Variants in SEPTIN6 observed in about 807,000 individuals in gnomAD.
SEPTIN6 encodes septin 6, also known as septin-6.
In SEPTIN6, 8 loss-of-function variants were observed where a neutral mutation model predicts 33.6. That is an observed-to-expected ratio of 0.24 (90% CI 0.14 to 0.43). The LOEUF (loss-of-function observed/expected upper bound fraction) is 0.43. SEPTIN6 is among the 20% of genes least tolerant of loss of function. SEPTIN6 has a pLI of 1.00. For synonymous variants in SEPTIN6, 131 were observed against 140.0 expected (o/e 0.94, Z 0.45); for missense variants, 250 against 340.8 (o/e 0.73, Z 2.10).
In SEPTIN6 at chrX:119,647,483, C is replaced by CTTTTTTTTTTTT. The variant is rs61037430; in HGVS notation, c.690+2442_690+2453dup. Among the ~76,000 whole-genome samples the CTTTTTTTTTTTT allele has an allele frequency of 3.8e-3, 283 of 74,351 alleles. 6 individuals are homozygous for CTTTTTTTTTTTT. Among genetic ancestry groups the CTTTTTTTTTTTT allele is most frequent in the African/African-American group, 7.7e-3 (125 of 16,301 alleles). 64.6% of individuals were successfully genotyped at this position (74,351 alleles called of 115,157 possible). ...TTTCTTTCCTTTCCTTTCTCTCTCTCTTTTTTTTTTTTTGTGAGACAGGGT... is the reference window on the plus strand; with the variant it reads ...TTTCTTTCCTTTCCTTTCTCTCTCTCTTTTTTTTTTTTTTTTTTTTTTTTTGTGAGACAGGGT... On this transcript the variant is annotated intron_variant, in intron 5 of 10. Coordinates refer to ENST00000394610, the MANE Select transcript of SEPTIN6 (RefSeq NM_145799.4).
chrX:119,636,457 T>G (rs1401787267), intron 7 of SEPTIN6, among the ~76,000 whole-genome samples: 2 of 112,140 alleles, frequency 1.8e-5, no homozygotes, highest in African/African-American at 6.5e-5. Context: ...ATCAACATCC[T>G]GCGGTCAAAA....
chrX:119,639,806 GTTTC>G (rs1185005026), intron 6 of SEPTIN6, among the ~76,000 whole-genome samples: 2 of 110,870 alleles, frequency 1.8e-5, no homozygotes, highest in Admixed American at 9.6e-5. Context: ...CCAATGGTAT[GTTTC>G]TTTCTTTCTT....
intron 2 of SEPTIN6, among the ~76,000 whole-genome samples, chrX:119,670,560 CAAAAAAAAAA>C (rs764828469): frequency 2.5e-5 from 1 of 39,582 alleles, no homozygotes; most frequent in Non-Finnish European, 5.1e-5. Flanking sequence ...GACTCTGTCT[CAAAAAAAAAA>C]AAAAAAAAAG....
intron 2 of SEPTIN6, among the ~76,000 whole-genome samples, chrX:119,673,139 G>A (rs1276020768): frequency 8.9e-6 from 1 of 111,776 alleles, no homozygotes; most frequent in Non-Finnish European, 1.9e-5. Flanking sequence ...GGTAGGCTGA[G>A]GCAAGTGGAT....
downstream of SEPTIN6, chrX:119,616,631 A>C: frequency 1.0e-6 from 1 of 994,262 alleles, no homozygotes; most frequent in South Asian, 2.0e-5. Context: ...GTTTGAGGGG[A>C]GAGGAAATTG....
At chrX:119,620,541 G>C (rs745334711) in intron 10 of SEPTIN6, among the ~76,000 whole-genome samples, 101 of 109,873 alleles carry the variant, frequency 9.2e-4, no homozygotes, top group South Asian at 7.4e-3. Flanking sequence ...GGATGGTCTC[G>C]ATCTCCTGAC....
At chrX:119,677,590 C>T (rs145797111) in intron 1 of SEPTIN6, among the ~76,000 whole-genome samples, 2,845 of 112,749 alleles carry the variant, frequency 0.025, 49 homozygotes, top group South Asian at 0.16. Flanking sequence ...CTGCACTAAG[C>T]AGGCAGCTCT....
At position 119,652,838 on chromosome X, in the gene SEPTIN6, C is replaced by T; in HGVS notation, c.528+16G>A. The T allele has an allele frequency of 2.5e-6, 3 of 1,201,367 alleles. No homozygotes were observed. The highest frequency in any genetic ancestry group is 2.3e-6 in the Non-Finnish European group (2 of 887,911). On this transcript the variant is annotated intron_variant, in intron 4 of 10. Transcript: ENST00000394610. Reference sequence around the variant, plus strand: ...TAAGAGTGAGCCCCCAGCGCCCCCGCCCCTGCCTCCTATACCTTACTGTCC... The same window carrying T: ...TAAGAGTGAGCCCCCAGCGCCCCCGTCCCTGCCTCCTATACCTTACTGTCC...
At chrX:119,639,387 A>C (rs1569424985) in intron 6 of SEPTIN6, among the ~76,000 whole-genome samples, 1 of 112,244 alleles carries the variant, frequency 8.9e-6, no homozygotes, top group Non-Finnish European at 1.9e-5. Flanking sequence ...TGTCTTGTGC[A>C]CTGAACTGAC....
In SEPTIN6 at chrX:119,652,888, A is replaced by G. The variant is rs1261883616; in HGVS notation, c.494T>C (p.Leu165Pro). 5.0e-6 allele frequency: 6 copies of G among 1,208,394 alleles called. No individual in the cohort carries two copies. Among genetic ancestry groups the G allele is most frequent in the Admixed American group, 4.4e-5 (2 of 45,408 alleles). The part of the protein sequence containing the change: ...IAPTGHSLKS[L>P]DLVTMKKLDS... ...CAGCTTCTTCATAGTCACTAGGTCC[A>G]GAGACTTCAGGGAATGACCCGTGGG... The change falls in exon 4 of 11, where the codon CTG becomes CCG. Residue 165 changes from leucine to proline, a missense_variant. Physicochemically the swap from Leu to Pro is moderately conservative, Grantham distance 98. This residue lies in a region of SEPTIN6 where 139 missense variants were observed against 227.0 expected (regional missense o/e 0.61). Transcript: ENST00000394610.
At chrX:119,675,093 T>G (rs1603349656) in intron 2 of SEPTIN6, among the ~76,000 whole-genome samples, 2 of 110,522 alleles carry the variant, frequency 1.8e-5, no homozygotes, top group Non-Finnish European at 3.8e-5. Flanking sequence ...AAAAGAATGT[T>G]GCATACAGCT....
chrX:119,620,106 A>G (rs1366188363), intron 10 of SEPTIN6, 55 bp from the exon 11 acceptor site: 9 of 998,671 alleles, frequency 9.0e-6, no homozygotes, highest in Non-Finnish European at 1.2e-5. Flanking sequence ...TGTACCAAAA[A>G]AAAAAAAAAG....
chrX:119,646,543 G>T (rs958472679), intron 5 of SEPTIN6, among the ~76,000 whole-genome samples: 3 of 111,671 alleles, frequency 2.7e-5, no homozygotes, highest in African/African-American at 9.8e-5. Flanking sequence ...AAAATAGCAT[G>T]CAACAAGACC....
intron 1 of SEPTIN6, among the ~76,000 whole-genome samples, chrX:119,685,488 G>A (rs190301868): frequency 9.0e-6 from 1 of 111,515 alleles, no homozygotes; most frequent in African/African-American, 3.3e-5. Flanking sequence ...ACCATACAAT[G>A]TTAGAGCTGG....
At position 119,617,473 on chromosome X, in the gene SEPTIN6, A is replaced by G. The variant is rs1413791493; in HGVS notation, c.*2620T>C. The G allele has an allele frequency of 2.5e-6, 2 of 802,695 alleles. No individual in the cohort carries two copies. The highest frequency in any genetic ancestry group is 1.5e-6 in the Non-Finnish European group (1 of 669,942). 66.2% of individuals were successfully genotyped at this position (802,695 alleles called of 1,213,427 possible). A position where few individuals can be genotyped will look rare whatever the true frequency, so the allele number is the denominator to read the frequency against. ...CACACAGTCTCCTGGACCCCGTTCC[A>G]GCCTTGCAGCATCACTGGGTCATTG... On this transcript the variant is annotated 3_prime_UTR_variant, in exon 11 of 11. Coordinates refer to ENST00000394610, the MANE Select transcript of SEPTIN6 (RefSeq NM_145799.4).
intron 5 of SEPTIN6, among the ~76,000 whole-genome samples, chrX:119,645,755 C>T (rs780069486): frequency 4.5e-5 from 5 of 111,217 alleles, no homozygotes; most frequent in African/African-American, 6.5e-5. Context: ...TGGTCTCGAT[C>T]TCTTGACCTT....
chrX:119,688,710 G>GAAA (rs150477050), intron 1 of SEPTIN6, among the ~76,000 whole-genome samples: 1 of 78,785 alleles, frequency 1.3e-5, no homozygotes, highest in Non-Finnish European at 2.5e-5. Flanking sequence ...CCATCTCGGG[G>GAAA]AAAAAAAAAA....
rs1199777223 is a variant in SEPTIN6, at chrX:119,684,482, G to GTT, written c.30+8592_30+8593dup. ...CAAAAGCACTGATAAGTTCCCAGAG[G>GTT]TTTTTTTTTTTTTTTTTTTTTTCTG... On this transcript the variant is annotated intron_variant, in intron 1 of 10. Transcript: ENST00000394610. Among the ~76,000 whole-genome samples the GTT allele has an allele frequency of 1.6e-3, 131 of 79,416 alleles. 1 individual carries two copies. The highest frequency in any genetic ancestry group is 3.6e-3 in the East Asian group (8 of 2,194). The allele number at this position is 79,416 out of a possible 115,157, so 69.0% of individuals were successfully genotyped here. A position where few individuals can be genotyped will look rare whatever the true frequency, so the allele number is the denominator to read the frequency against.
intron 3 of SEPTIN6, among the ~76,000 whole-genome samples, chrX:119,653,304 C>T (rs968796801): frequency 8.9e-6 from 1 of 111,884 alleles, no homozygotes; most frequent in East Asian, 2.8e-4. Context: ...TCCCAGACCT[C>T]AGGGCTCAGC....
Sources: allele counts gnomAD v4.1 joint callset (sites outside exome capture counted in the v4.1 genomes callset), GRCh38; gene constraint gnomAD v4.1.1; regional missense constraint gnomAD v4.1.1; transcripts MANE v1.5; gene names NCBI Gene and HGNC (gene_info 2026-07-23, HGNC 2026-07-21).